Variants in MAML3 observed in about 807,000 individuals in gnomAD.
MAML3 encodes mastermind like transcriptional coactivator 3.
Under a neutral mutation model 101.9 loss-of-function variants are expected in MAML3, and 27 were observed. The ratio of observed to expected loss-of-function variants is 0.27; its 90% CI spans 0.20 to 0.37. The LOEUF (loss-of-function observed/expected upper bound fraction) is 0.37, where lower values mean the gene tolerates loss of function less well. Ranked by LOEUF, MAML3 falls within the 10% of genes least tolerant of loss-of-function variation. The pLI is 1.00. For missense variants in MAML3, 1,316 were observed against 1,444.9 expected (o/e 0.91, Z 1.45); for synonymous variants, 501 against 555.9 (o/e 0.90, Z 1.39).
intron 2 of MAML3, among the ~76,000 whole-genome samples, chr4:139,766,786 G>A (rs1032756038): frequency 8.5e-5 from 13 of 152,184 alleles, no homozygotes; most frequent in African/African-American, 2.4e-4. Context: ...CTGGGCACTC[G>A]GCACATGAAG....
Position 139,924,398 on chromosome 4 carries a change from C to A in MAML3, c.469-33431G>T, listed in dbSNP as rs569518511. On this transcript the variant is annotated intron_variant, in intron 1 of 4. Coordinates refer to ENST00000509479, the MANE Select transcript of MAML3 (RefSeq NM_018717.5). The stretch of plus-strand genomic sequence containing the variant: ...ATTTTACCCTCAAATATATAAAGAA[C>A]TATCTCTGAAATCTTTACCTTTCAT... 2.6e-5 allele frequency among the ~76,000 whole-genome samples: 4 copies of A among 152,278 alleles called. No individual in the cohort carries two copies. In the South Asian group the frequency reaches 8.3e-4, roughly 32 times the overall value.
At chr4:139,841,851 A>G (rs3796630) in intron 2 of MAML3, among the ~76,000 whole-genome samples, 58,787 of 152,090 alleles carry the variant, frequency 0.39, 11,929 homozygotes, top group East Asian at 0.69. Context: ...AAATCTTTTT[A>G]CATGTGTCCA....
At chr4:140,048,998 GAA>G (rs1281365955) in intron 1 of MAML3, among the ~76,000 whole-genome samples, 1 of 152,190 alleles carries the variant, frequency 6.6e-6, no homozygotes, top group Non-Finnish European at 1.5e-5. Context: ...TAGCAAGAGA[GAA>G]AGAAAAAGAG....
chr4:139,996,698 T>C (rs1025758657), intron 1 of MAML3, among the ~76,000 whole-genome samples: 3 of 152,036 alleles, frequency 2.0e-5, no homozygotes, highest in Non-Finnish European at 2.9e-5. Flanking sequence ...TGTGTGTGTG[T>C]GTGTGTGTGT....
chr4:139,857,802 G>A (rs1250674679), intron 2 of MAML3, among the ~76,000 whole-genome samples: 1 of 152,128 alleles, frequency 6.6e-6, no homozygotes, highest in East Asian at 1.9e-4. Context: ...ATGTACTACT[G>A]GAGTCTTCCC....
At chr4:140,062,618 A>T (rs972869643) in intron 1 of MAML3, among the ~76,000 whole-genome samples, 9 of 152,216 alleles carry the variant, frequency 5.9e-5, no homozygotes, top group African/African-American at 2.2e-4. Flanking sequence ...TGCCTTTGTT[A>T]GTTCTACTCT....
At chr4:140,128,683 G>A (rs1728728833) in intron 1 of MAML3, among the ~76,000 whole-genome samples, 1 of 152,184 alleles carries the variant, frequency 6.6e-6, no homozygotes, top group Non-Finnish European at 1.5e-5. Context: ...CTCAAGCCCA[G>A]AGAAGACTTT....
intron 2 of MAML3, among the ~76,000 whole-genome samples, chr4:139,787,822 T>A (rs1372955745): frequency 6.6e-6 from 1 of 152,240 alleles, no homozygotes; most frequent in Non-Finnish European, 1.5e-5. Flanking sequence ...TTAAATTTCA[T>A]CTGCTTTCAC....
intron 1 of MAML3, among the ~76,000 whole-genome samples, chr4:140,056,302 TATTTCAA>T (rs1727347633): frequency 6.6e-6 from 1 of 152,108 alleles, no homozygotes; most frequent in Non-Finnish European, 1.5e-5. Flanking sequence ...AAAAAGCACC[TATTTCAA>T]GTCCTGGCAC....
chr4:139,778,137 A>G (rs552441813), intron 2 of MAML3, among the ~76,000 whole-genome samples: 1 of 152,366 alleles, frequency 6.6e-6, no homozygotes, highest in Admixed American at 6.5e-5. Context: ...GATGCAATGA[A>G]TATTGGTTGA....
Position 139,720,070 on chromosome 4 carries a change from C to T in MAML3, c.2670G>A (p.Met890Ile), listed in dbSNP as rs1728169180. 2 of 1,614,088 alleles carry T rather than the reference C, an allele frequency of 1.2e-6. No individual in the cohort carries two copies. The highest frequency in any genetic ancestry group is 2.2e-5 in the East Asian group (1 of 44,878). The part of the protein sequence containing the change: ...QMLQHPNQSG[M>I]SITHNQAQGP... Reference sequence around the variant, plus strand: ...CCTGGGCTTGGTTATGTGTGATGCTCATGCCACTTTGGTTTGGATGCTGCA... The same window carrying T: ...CCTGGGCTTGGTTATGTGTGATGCTTATGCCACTTTGGTTTGGATGCTGCA... Residue 890 changes from methionine (M) to isoleucine (I), a missense_variant, in exon 5 of 5, where the codon ATG (methionine) becomes ATA (isoleucine). Met to Ile is a conservative substitution (Grantham distance 10, BLOSUM62 1). Coordinates refer to ENST00000509479, the MANE Select transcript of MAML3 (RefSeq NM_018717.5).
In MAML3 at chr4:139,739,250, G is replaced by A. The variant is rs116875650; in HGVS notation, c.2080-8583C>T. 9.2e-5 allele frequency among the ~76,000 whole-genome samples: 14 copies of A among 152,332 alleles called. No individual in the cohort carries two copies. The East Asian group carries it at 2.7e-3, about 29-fold the overall frequency. On this transcript the variant is annotated intron_variant, in intron 2 of 4. Transcript: ENST00000509479. The stretch of plus-strand genomic sequence containing the variant: ...ACCCTCTGCTGAATGTTAAAGAAAG[G>A]GTTAAAGTTGGCAGTCCAGTGCTAA...
At chr4:139,731,717 T>C (rs1262688177) in intron 2 of MAML3, among the ~76,000 whole-genome samples, 2 of 152,202 alleles carry the variant, frequency 1.3e-5, no homozygotes, top group Admixed American at 6.5e-5. Context: ...AGTCGAATGA[T>C]GGCAACTTTT....
chr4:139,775,824 G>T (rs2111073667), intron 2 of MAML3, among the ~76,000 whole-genome samples: 1 of 152,226 alleles, frequency 6.6e-6, no homozygotes, highest in Admixed American at 6.5e-5. Flanking sequence ...GCTACACTCA[G>T]GGTTCCCTCA....
chr4:139,907,164 C>T (rs952442941), intron 1 of MAML3, among the ~76,000 whole-genome samples: 2 of 152,126 alleles, frequency 1.3e-5, no homozygotes, highest in African/African-American at 4.8e-5. Context: ...ACTTGAAAAG[C>T]AAAAATATGC....
rs776341110 is a variant in MAML3, at chr4:139,993,251, C to T, written c.469-102284G>A. On this transcript the variant is annotated intron_variant, in intron 1 of 4. Coordinates refer to ENST00000509479, the MANE Select transcript of MAML3 (RefSeq NM_018717.5). ...CCTGTAATCTCAGCTGCTCGGGAGG[C>T]TGAGGCAGGAGAATCGCTTGAACCC... Among the ~76,000 whole-genome samples the T allele has an allele frequency of 2.6e-5, 4 of 151,340 alleles. No individual in the cohort carries two copies. The East Asian group carries it at 5.9e-4, about 22-fold the overall frequency.
intron 1 of MAML3, among the ~76,000 whole-genome samples, chr4:140,011,172 T>C (rs1426808652): frequency 3.8e-5 from 4 of 104,546 alleles, no homozygotes; most frequent in African/African-American, 1.6e-4. Flanking sequence ...ATATGACATA[T>C]ATGTCATATA....
At chr4:140,139,936 C>A (rs947775975) in intron 1 of MAML3, among the ~76,000 whole-genome samples, 1 of 152,250 alleles carries the variant, frequency 6.6e-6, no homozygotes, top group East Asian at 1.9e-4. Context: ...AGATGGCACT[C>A]CTCAGAGGGA....
chr4:139,965,127 A>G (rs1278818121), intron 1 of MAML3, among the ~76,000 whole-genome samples: 1 of 152,184 alleles, frequency 6.6e-6, no homozygotes, highest in Non-Finnish European at 1.5e-5. Context: ...TTGTCTCTTA[A>G]ATTGCTTTCA....
Sources: gnomAD v4.1 joint callset for allele counts (sites outside exome capture counted in the v4.1 genomes callset) on GRCh38, gnomAD v4.1.1 for gene constraint, MANE v1.5 for transcripts, NCBI Gene and HGNC (gene_info 2026-07-23, HGNC 2026-07-21) for gene names.